The following GLRA1 variants were observed in gnomAD, a reference collection of about 807,000 sequenced individuals.
GLRA1 encodes the protein glycine receptor alpha 1.
GLRA1 carries 37 observed loss-of-function variants against 48.3 expected under a neutral mutation model. That is an observed-to-expected ratio of 0.77 (90% CI 0.59 to 1.01). GLRA1 has a LOEUF of 1.01. Ranked by LOEUF, GLRA1 falls within the 50% of genes least tolerant of loss-of-function variation. The pLI is 0.00. For synonymous variants in GLRA1, 196 were observed against 210.7 expected (o/e 0.93, Z 0.60); for missense variants, 427 against 571.0 (o/e 0.75, Z 2.57).
intron 1 of GLRA1, among the ~76,000 whole-genome samples, chr5:151,913,292 C>T (rs944979788): frequency 2.6e-5 from 4 of 152,178 alleles, no homozygotes; most frequent in African/African-American, 9.7e-5. Flanking sequence ...GATTCAAAAT[C>T]AGATGAGTTT....
intron 1 of GLRA1, among the ~76,000 whole-genome samples, chr5:151,919,307 A>G (rs1754816105): frequency 1.3e-5 from 2 of 152,228 alleles, no homozygotes; most frequent in Admixed American, 1.3e-4. Context: ...TGAGGGAAAA[A>G]AGAGCCAAAC....
At chr5:151,835,203 A>C (rs1014715656) in intron 7 of GLRA1, among the ~76,000 whole-genome samples, 7 of 151,970 alleles carry the variant, frequency 4.6e-5, no homozygotes, top group Admixed American at 2.0e-4. Flanking sequence ...GGACACATAC[A>C]CCCTCCCAAG....
At chr5:151,885,144 C>A (rs1267024598) in intron 3 of GLRA1, among the ~76,000 whole-genome samples, 1 of 152,214 alleles carries the variant, frequency 6.6e-6, no homozygotes, top group Non-Finnish European at 1.5e-5. Context: ...GTGATTTCTG[C>A]CAGCCTGGGA....
intron 1 of GLRA1, among the ~76,000 whole-genome samples, chr5:151,921,245 T>G (rs1754865393): frequency 6.6e-6 from 1 of 152,166 alleles, no homozygotes; most frequent in African/African-American, 2.4e-5. Flanking sequence ...TCAGGGTGCT[T>G]TATATATTTC....
intron 2 of GLRA1, among the ~76,000 whole-genome samples, chr5:151,889,612 C>T (rs1754004808): frequency 6.6e-6 from 1 of 152,176 alleles, no homozygotes; most frequent in Non-Finnish European, 1.5e-5. Context: ...ATTTCTAGCA[C>T]CTAAGGCAGC....
At chr5:151,883,358 T>TTG (rs1337520569) in intron 3 of GLRA1, among the ~76,000 whole-genome samples, 5 of 152,250 alleles carry the variant, frequency 3.3e-5, no homozygotes, top group Non-Finnish European at 7.3e-5. Flanking sequence ...TACGTGTACT[T>TTG]TGTAGGTCCT....
intron 1 of GLRA1, among the ~76,000 whole-genome samples, chr5:151,904,571 G>A (rs1016647608): frequency 1.1e-4 from 17 of 152,118 alleles, no homozygotes; most frequent in Non-Finnish European, 1.8e-4. Context: ...ATAAGAACTT[G>A]TTTTTTGGCT....
chr5:151,850,748 G>A, intron 7 of GLRA1: 1 of 1,040,442 alleles, frequency 9.6e-7, no homozygotes, highest in Non-Finnish European at 1.5e-6. Context: ...ATCAACACGT[G>A]TCTTCTCAAT....
In GLRA1 at chr5:151,912,596, T is replaced by G. The variant is rs116740708; in HGVS notation, c.56+11898A>C. Among the ~76,000 whole-genome samples the G allele has an allele frequency of 9.9e-3, 1,510 of 152,246 alleles. 29 individuals are homozygous for G. Among genetic ancestry groups the G allele is most frequent in the African/African-American group, 0.034 (1,430 of 41,528 alleles). On this transcript the variant is annotated intron_variant, in intron 1 of 8. Coordinates refer to ENST00000274576, the MANE Select transcript of GLRA1 (RefSeq NM_000171.4). Reference sequence around the variant, plus strand: ...GTGACTCATTTCTTGGAGCAGAAAGTGGTCATGGTGAGATACAGCAGTGCT... The same window carrying G: ...GTGACTCATTTCTTGGAGCAGAAAGGGGTCATGGTGAGATACAGCAGTGCT...
chr5:151,905,627 A>G (rs892211778), intron 1 of GLRA1, among the ~76,000 whole-genome samples: 2 of 152,174 alleles, frequency 1.3e-5, no homozygotes, highest in African/African-American at 4.8e-5. Flanking sequence ...CAGAAAGGCC[A>G]TAGCAGAGTA....
At chr5:151,885,508 G>A (rs941349288) in intron 3 of GLRA1, among the ~76,000 whole-genome samples, 54 of 152,374 alleles carry the variant, frequency 3.5e-4, no homozygotes, top group African/African-American at 1.3e-3. Context: ...GCATGTTACA[G>A]TGGGGAGGCT....
At position 151,827,029 on chromosome 5, in the gene GLRA1, G is replaced by GTTTTTTTTTT. The variant is rs199505206; in HGVS notation, c.1059+1882_1059+1891dup. Among the ~76,000 whole-genome samples the GTTTTTTTTTT allele has an allele frequency of 4.0e-3, 507 of 126,724 alleles. 13 individuals are homozygous for GTTTTTTTTTT. Among genetic ancestry groups the GTTTTTTTTTT allele is most frequent in the African/African-American group, 0.013 (465 of 34,496 alleles). 83.1% of individuals were successfully genotyped at this position (126,724 alleles called of 152,430 possible). A position where few individuals can be genotyped will look rare whatever the true frequency, so the allele number is the denominator to read the frequency against. On this transcript the variant is annotated intron_variant, in intron 8 of 8. Transcript: ENST00000274576. ...TTGGTCAGTTTCTTTCTTTCTTTCT[G>GTTTTTTTTTT]TTTTTTTTTTTTTTTTTGAGACAAA...
At position 151,895,623 on chromosome 5, in the gene GLRA1, G is replaced by GTC. The variant is rs1393991587; in HGVS notation, c.57-3187_57-3186dup. Among the ~76,000 whole-genome samples, 10 of 124,168 alleles carry GTC rather than the reference G, an allele frequency of 8.1e-5. No individual in the cohort carries two copies. In the South Asian group the frequency reaches 2.8e-3, roughly 35 times the overall value. The allele number at this position is 124,168 out of a possible 152,430, so 81.5% of individuals were successfully genotyped here. A position where few individuals can be genotyped will look rare whatever the true frequency, so the allele number is the denominator to read the frequency against. ...TTCTCTTGCAGCATGGTGTGTGTGTGTCTGTGTGTGTGTGTGTGTGTGTGT... is the reference window on the plus strand; with the variant it reads ...TTCTCTTGCAGCATGGTGTGTGTGTGTCTCTGTGTGTGTGTGTGTGTGTGTGT... On this transcript the variant is annotated intron_variant, in intron 1 of 8. Transcript: ENST00000274576.
chr5:151,828,891 C>T, intron 8 of GLRA1, 30 bp downstream of exon 8: 3 of 1,603,848 alleles, frequency 1.9e-6, no homozygotes, highest in Non-Finnish European at 2.6e-6. Flanking sequence ...TAACAGCTGT[C>T]CCTCCTTAGG....
intron 1 of GLRA1, among the ~76,000 whole-genome samples, chr5:151,904,638 G>T (rs1204598645): frequency 1.3e-5 from 2 of 152,182 alleles, no homozygotes; most frequent in Non-Finnish European, 2.9e-5. Flanking sequence ...ATCAGGCTCT[G>T]GCTTTTGCTA....
chr5:151,879,161 G>A (rs747855924), intron 3 of GLRA1, among the ~76,000 whole-genome samples: 4 of 152,210 alleles, frequency 2.6e-5, no homozygotes, highest in Non-Finnish European at 2.9e-5. Context: ...CATATGAGAC[G>A]TGGAGTCAAA....
At chr5:151,861,856 C>T (rs1259330106) in intron 3 of GLRA1, among the ~76,000 whole-genome samples, 1 of 152,090 alleles carries the variant, frequency 6.6e-6, no homozygotes, top group Non-Finnish European at 1.5e-5. Context: ...CCATACTGCC[C>T]AAGGTAATTT....
chr5:151,904,087 A>G (rs1339378989), intron 1 of GLRA1, among the ~76,000 whole-genome samples: 2 of 152,238 alleles, frequency 1.3e-5, no homozygotes. Context: ...GAAAAGTATC[A>G]TTGACACCTT....
intron 1 of GLRA1, among the ~76,000 whole-genome samples, chr5:151,913,069 A>T (rs1463179896): frequency 2.0e-5 from 3 of 152,222 alleles, no homozygotes; most frequent in Non-Finnish European, 2.9e-5. Flanking sequence ...GATGCTAGAG[A>T]TGGGTCTTAA....
Sources: allele counts gnomAD v4.1 joint callset (sites outside exome capture counted in the v4.1 genomes callset), GRCh38; gene constraint gnomAD v4.1.1; transcripts MANE v1.5; gene names NCBI Gene and HGNC (gene_info 2026-07-23, HGNC 2026-07-21).